Variants in LHCGR observed in about 807,000 individuals in gnomAD.
LHCGR encodes the protein lutropin-choriogonadotropic hormone receptor.
LHCGR carries 55 observed loss-of-function variants against 60.7 expected under a neutral mutation model. The ratio of observed to expected loss-of-function variants is 0.91; its 90% CI spans 0.73 to 1.13. The LOEUF (loss-of-function observed/expected upper bound fraction) is 1.13. Ranked by LOEUF, LHCGR falls within the 50% of genes most tolerant of loss-of-function variation. The pLI is 0.00. For synonymous variants in LHCGR, 337 were observed against 316.5 expected (o/e 1.06, Z -0.69); for missense variants, 862 against 836.0 (o/e 1.03, Z -0.38).
intron 6 of LHCGR, among the ~76,000 whole-genome samples, chr2:48,715,923 G>C (rs1181503329): frequency 6.6e-6 from 1 of 152,124 alleles, no homozygotes; most frequent in Non-Finnish European, 1.5e-5. Context: ...AGAATGCCTG[G>C]TGCCTAGCTC....
rs1392963049 is a variant in LHCGR, at chr2:48,687,981, C to G, written c.1816G>C (p.Val606Leu). Residue 606 changes from valine (V) to leucine (L), a missense_variant, in exon 11 of 11, where the codon GTT becomes CTT. Transcript: ENST00000294954. ...ATGGGATAAAAAAGAACCAGTAAAA[C>G]TTTAGAGTTGGTTACTGTGATAAGA... ...VPLITVTNSK[V>L]LLVLFYPINS... 2 of 1,613,976 alleles carry G rather than the reference C, an allele frequency of 1.2e-6. No homozygotes were observed. The highest frequency in any genetic ancestry group is 2.7e-5 in the African/African-American group (2 of 74,898).
intron 7 of LHCGR, among the ~76,000 whole-genome samples, chr2:48,709,800 C>T (rs1357493735): frequency 6.6e-6 from 1 of 152,214 alleles, no homozygotes; most frequent in Non-Finnish European, 1.5e-5. Flanking sequence ...TAGGCAGCCT[C>T]CTTTCTGGGC....
intron 1 of LHCGR, among the ~76,000 whole-genome samples, chr2:48,737,318 G>A (rs182955272): frequency 3.3e-5 from 5 of 152,116 alleles, no homozygotes; most frequent in Admixed American, 3.3e-4. Context: ...TCAGATGAAG[G>A]GAAAAAAGAG....
At chr2:48,727,491 C>T (rs1255662839) in intron 3 of LHCGR, among the ~76,000 whole-genome samples, 1 of 152,168 alleles carries the variant, frequency 6.6e-6, no homozygotes, top group African/African-American at 2.4e-5. Flanking sequence ...CTTTATGTTT[C>T]TTTCTGTTGA....
chr2:48,714,642 T>A (rs139106663), intron 6 of LHCGR, among the ~76,000 whole-genome samples: 3 of 152,194 alleles, frequency 2.0e-5, no homozygotes, highest in African/African-American at 7.2e-5. Context: ...AAAATCTACA[T>A]AGAAAAAATA....
At chr2:48,691,707 G>A (rs1016844748) in intron 10 of LHCGR, among the ~76,000 whole-genome samples, 4 of 152,014 alleles carry the variant, frequency 2.6e-5, no homozygotes, top group Non-Finnish European at 4.4e-5. Flanking sequence ...TTAGCCAGGC[G>A]TGGTGGTATG....
chr2:48,717,536 G>A (rs1178706460), intron 6 of LHCGR, among the ~76,000 whole-genome samples: 1 of 134,202 alleles, frequency 7.5e-6, no homozygotes, highest in African/African-American at 2.8e-5. Flanking sequence ...TGCTTAATGT[G>A]TTGATCTTAT....
rs1033977403 is a variant in LHCGR, at chr2:48,701,908, T to C, written c.681-3108A>G. On this transcript the variant is annotated intron_variant, in intron 8 of 10. Coordinates refer to ENST00000294954, the MANE Select transcript of LHCGR (RefSeq NM_000233.4). ...ATTGTAAAATGACATGCCTGTTTAT[T>C]GCTTTGCGTTTGTTGTTGTCTCCCT... is the stretch of plus-strand genomic sequence containing the variant. Among the ~76,000 whole-genome samples, 3 of 152,378 alleles carry C rather than the reference T, an allele frequency of 2.0e-5. No individual in the cohort carries two copies. The South Asian group carries it at 6.2e-4, about 32-fold the overall frequency.
At position 48,708,977 on chromosome 2, in the gene LHCGR, G is replaced by A. The variant is rs149041785; in HGVS notation, c.651C>T (p.Ala217=). 3.1e-6 allele frequency: 5 copies of A among 1,614,076 alleles called. No homozygotes were observed. The African/African-American group carries it at 5.3e-5, about 17-fold the overall frequency. ...TTTTCGGCCCTGTGGCCCCACGGAA[G>A]GCTCCATTGTGCATCTTCTCCAGAT... is the stretch of plus-strand genomic sequence containing the variant. ...NVHLEKMHNG[A]FRGATGPKTL... is the part of the protein sequence containing the mutation. Residue 217 remains alanine (A), a synonymous_variant, in exon 8 of 11, where the codon GCC becomes GCT. Transcript: ENST00000294954.
intron 7 of LHCGR, among the ~76,000 whole-genome samples, chr2:48,713,532 G>T (rs2104430373): frequency 6.6e-6 from 1 of 152,304 alleles, no homozygotes; most frequent in East Asian, 1.9e-4. Flanking sequence ...TGTGGAAAAT[G>T]AGCTTCCTCC....
chr2:48,695,629 A>T (rs1380067831), intron 9 of LHCGR, among the ~76,000 whole-genome samples: 1 of 152,210 alleles, frequency 6.6e-6, no homozygotes, highest in Non-Finnish European at 1.5e-5. Flanking sequence ...CTATTCACAA[A>T]AACAAAGACA....
Position 48,687,656 on chromosome 2 carries a change from G to T in LHCGR, c.*41C>A, listed in dbSNP as rs772028497. 1.3e-6 allele frequency: 2 copies of T among 1,529,526 alleles called. No individual in the cohort carries two copies. The highest frequency in any genetic ancestry group is 1.8e-6 in the Non-Finnish European group (2 of 1,104,826). The allele number at this position is 1,529,526 out of a possible 1,614,324, so 94.7% of individuals were successfully genotyped here. On this transcript the variant is annotated 3_prime_UTR_variant, in exon 11 of 11. Coordinates refer to ENST00000294954, the MANE Select transcript of LHCGR (RefSeq NM_000233.4). ...CTGGTACAGGTAATTTTTTTTTACA[G>T]GTTTAAGAACAATTCAATAATGCAG...
At chr2:48,707,666 C>A (rs1667759633) in intron 8 of LHCGR, among the ~76,000 whole-genome samples, 2 of 152,364 alleles carry the variant, frequency 1.3e-5, no homozygotes, top group South Asian at 2.1e-4. Flanking sequence ...AACTTCCTGG[C>A]AGCTTTGTTT....
intron 8 of LHCGR, among the ~76,000 whole-genome samples, chr2:48,701,401 C>T (rs574967948): frequency 5.3e-5 from 8 of 152,194 alleles, no homozygotes; most frequent in Non-Finnish European, 1.0e-4. Flanking sequence ...GCTCCCTCTG[C>T]CATATTGGCC....
At chr2:48,726,132 A>T (rs1255432837) in intron 3 of LHCGR, among the ~76,000 whole-genome samples, 1 of 152,072 alleles carries the variant, frequency 6.6e-6, no homozygotes, top group Non-Finnish European at 1.5e-5. Flanking sequence ...CTCAGGAGAG[A>T]TGAGCAAATT....
At chr2:48,704,312 C>T (rs970924319) in intron 8 of LHCGR, among the ~76,000 whole-genome samples, 12 of 152,082 alleles carry the variant, frequency 7.9e-5, no homozygotes, top group African/African-American at 1.2e-4. Context: ...GGAGGATTTT[C>T]GCATCGATGT....
At chr2:48,718,751 T>A (rs1668370366) in intron 6 of LHCGR, among the ~76,000 whole-genome samples, 1 of 152,186 alleles carries the variant, frequency 6.6e-6, no homozygotes, top group Non-Finnish European at 1.5e-5. Context: ...AAGACACTTC[T>A]CTAGTGGATG....
intron 1 of LHCGR, 147 bp downstream of exon 1, chr2:48,755,364 C>G: frequency 1.6e-6 from 1 of 620,868 alleles, no homozygotes; most frequent in East Asian, 2.8e-5. Context: ...TCTCATCACC[C>G]TAAAACGTGG....
At position 48,688,646 on chromosome 2, in the gene LHCGR, A is replaced by G; in HGVS notation, c.1151T>C (p.Leu384Pro). 1 of 1,614,208 alleles carries G rather than the reference A, an allele frequency of 6.2e-7. No individual in the cohort carries two copies. The highest frequency in any genetic ancestry group is 8.5e-7 in the Non-Finnish European group (1 of 1,180,026). Residue 384 changes from leucine to proline, a missense_variant, in exon 11 of 11, where the codon CTC becomes CCC. Physicochemically the swap from Leu to Pro is moderately conservative, Grantham distance 98. Coordinates refer to ENST00000294954, the MANE Select transcript of LHCGR (RefSeq NM_000233.4). The surrounding 1 kb of genome is among the most constrained non-coding windows in gnomAD (Gnocchi z 5.2). ...IMGNMTVLFV[L>P]LTSRYKLTVP... Reference sequence around the variant, plus strand: ...TGTAAGTTTGTAACGACTTGTCAGGAGAACAAAAAGAACAGTCATGTTTCC... The same window carrying G: ...TGTAAGTTTGTAACGACTTGTCAGGGGAACAAAAAGAACAGTCATGTTTCC...
Sources: allele counts gnomAD v4.1 joint callset (sites outside exome capture counted in the v4.1 genomes callset), GRCh38; gene constraint gnomAD v4.1.1; non-coding constraint Gnocchi (gnomAD v3.1); transcripts MANE v1.5; gene names NCBI Gene and HGNC (gene_info 2026-07-23, HGNC 2026-07-21).